Variants in ABR observed in about 807,000 individuals in gnomAD.
The protein encoded by ABR is active breakpoint cluster region-related protein.
Under a neutral mutation model 107.2 loss-of-function variants are expected in ABR, and 35 were observed. The ratio of observed to expected loss-of-function variants is 0.33; its 90% CI spans 0.25 to 0.43. The LOEUF (loss-of-function observed/expected upper bound fraction) is 0.43. Among genes scored for constraint, ABR ranks in the 20% least tolerant of loss-of-function variants. The pLI, the probability that ABR is intolerant of heterozygous loss-of-function variation, is 1.00. For missense variants in ABR, 815 were observed against 1,115.2 expected (o/e 0.73, Z 3.83); for synonymous variants, 498 against 462.0 (o/e 1.08, Z -1.00).
At chr17:1,139,039 C>T (rs1430097315) in intron 1 of ABR, among the ~76,000 whole-genome samples, 2 of 152,130 alleles carry the variant, frequency 1.3e-5, no homozygotes, top group Non-Finnish European at 2.9e-5. Context: ...CAAGGACTGG[C>T]TAAATCCAGA....
chr17:1,073,735 C>T (rs2035446058), intron 6 of ABR, 58 bp from the exon 7 acceptor site: 1 of 1,470,752 alleles, frequency 6.8e-7, no homozygotes, highest in South Asian at 1.3e-5. Context: ...CAACCCAACA[C>T]CCCAGAGACC....
chr17:1,112,468 G>A (rs765283796), intron 2 of ABR, among the ~76,000 whole-genome samples: 7 of 152,180 alleles, frequency 4.6e-5, no homozygotes, highest in Non-Finnish European at 1.5e-5. Context: ...TTGCAGTGGC[G>A]CACCTGAAAT....
intron 2 of ABR, among the ~76,000 whole-genome samples, chr17:1,101,880 C>CCCA (rs1317088107): frequency 6.6e-6 from 1 of 151,954 alleles, no homozygotes; most frequent in African/African-American, 2.4e-5. Context: ...ACTACAGGCT[C>CCCA]CCGCCACCAC....
intron 16 of ABR, among the ~76,000 whole-genome samples, chr17:1,018,348 CTTA>C (rs1008292121): frequency 2.6e-5 from 4 of 152,164 alleles, no homozygotes; most frequent in African/African-American, 9.7e-5. Context: ...GGCCCGGGCC[CTTA>C]TTTTTTAATT....
chr17:1,064,320 C>G (rs868420631), intron 10 of ABR, among the ~76,000 whole-genome samples: 1 of 100,874 alleles, frequency 9.9e-6, no homozygotes, highest in African/African-American at 3.6e-5. Context: ...TTCCTCCAGA[C>G]GCTGTTGTTA....
chr17:1,159,992 G>A (rs1420684462), intron 1 of ABR, among the ~76,000 whole-genome samples: 1 of 152,186 alleles, frequency 6.6e-6, no homozygotes, highest in Non-Finnish European at 1.5e-5. Context: ...CCGCCGCTTG[G>A]GGAGGTGCCT....
intron 1 of ABR, among the ~76,000 whole-genome samples, chr17:1,192,580 C>T (rs1172742712): frequency 6.6e-6 from 1 of 151,744 alleles, no homozygotes; most frequent in African/African-American, 2.4e-5. Flanking sequence ...AGTTCAAGAC[C>T]AGCCTGGCCA....
chr17:1,075,768 AGGGTGG>A (rs1456178280), intron 6 of ABR, among the ~76,000 whole-genome samples: 1 of 152,194 alleles, frequency 6.6e-6, no homozygotes, highest in Non-Finnish European at 1.5e-5. Flanking sequence ...GGGGCCGGGC[AGGGTGG>A]CTCACGCCTG....
chr17:1,203,429 CGCGGGGACGGAGTCT>C (rs1290273356), intron 1 of ABR, among the ~76,000 whole-genome samples: 3 of 6,068 alleles, frequency 4.9e-4, no homozygotes, highest in African/African-American at 1.2e-3. Flanking sequence ...GGGCGGGGCC[CGCGGGGACGGAGTCT>C]GCGGGGGCGG....
chr17:1,227,784 C>T (rs1470078521), intron 1 of ABR, among the ~76,000 whole-genome samples: 1 of 152,090 alleles, frequency 6.6e-6, no homozygotes, highest in Non-Finnish European at 1.5e-5. Flanking sequence ...GGCTCCCACG[C>T]CACCCCCATC....
chr17:1,123,879 C>G (rs1009320644), intron 2 of ABR, among the ~76,000 whole-genome samples: 2 of 152,222 alleles, frequency 1.3e-5, no homozygotes, highest in Admixed American at 1.3e-4. Context: ...AAAACCCTGC[C>G]CCCGCAGGTC....
chr17:1,106,066 T>G (rs2038226291), intron 2 of ABR, among the ~76,000 whole-genome samples: 1 of 152,222 alleles, frequency 6.6e-6, no homozygotes, highest in Admixed American at 6.5e-5. Flanking sequence ...ATGACGCTGC[T>G]ATCAGTATTT....
Position 1,078,795 on chromosome 17 carries a change from C to T in ABR, c.700+535G>A. The T allele has an allele frequency of 6.5e-7, 1 of 1,535,326 alleles. No individual in the cohort carries two copies. Among genetic ancestry groups the T allele is most frequent in the Non-Finnish European group, 8.7e-7 (1 of 1,146,648 alleles). ...AGGTGGGAGGGTCCGCCACCTCCCA[C>T]AGCGAGCACCTGGGTTACCATAGGT... is the stretch of plus-strand genomic sequence containing the variant. On this transcript the variant is annotated intron_variant, in intron 6 of 22. Transcript: ENST00000302538. The surrounding 1 kb of genome is among the most constrained non-coding windows in gnomAD (Gnocchi z 7.5).
chr17:1,135,067 G>A (rs1045991403), intron 1 of ABR, among the ~76,000 whole-genome samples: 1 of 152,228 alleles, frequency 6.6e-6, no homozygotes, highest in Non-Finnish European at 1.5e-5. Flanking sequence ...CCTGCCAGGC[G>A]GGTGGGGGAC....
At chr17:1,141,749 G>A (rs916396322) in intron 1 of ABR, among the ~76,000 whole-genome samples, 1 of 150,858 alleles carries the variant, frequency 6.6e-6, no homozygotes, top group African/African-American at 2.5e-5. Context: ...TGGTGGACTA[G>A]TTACGACTTA....
chr17:1,180,029 G>A (rs1360880475), upstream of ABR, among the ~76,000 whole-genome samples: 1 of 101,060 alleles, frequency 9.9e-6, no homozygotes, highest in African/African-American at 4.2e-5. Context: ...GTGGGGCGGG[G>A]CTTTGGTGCG....
chr17:1,040,121 G>C (rs1241247037), intron 16 of ABR, among the ~76,000 whole-genome samples: 1 of 152,132 alleles, frequency 6.6e-6, no homozygotes, highest in Non-Finnish European at 1.5e-5. Flanking sequence ...TCCTGGGAGG[G>C]GTCCCAGTAC....
intron 4 of ABR, among the ~76,000 whole-genome samples, chr17:1,086,189 T>C (rs1249335526): frequency 6.6e-6 from 1 of 152,176 alleles, no homozygotes; most frequent in Non-Finnish European, 1.5e-5. Flanking sequence ...TGTGAAATGA[T>C]GTACGTGGCT....
chr17:1,130,459 G>T (rs1216356083), intron 1 of ABR, among the ~76,000 whole-genome samples: 1 of 151,452 alleles, frequency 6.6e-6, no homozygotes, highest in Admixed American at 6.6e-5. Flanking sequence ...AGACCGTGTT[G>T]CCCCCCATTC....
Sources: gnomAD v4.1 joint callset for allele counts (sites outside exome capture counted in the v4.1 genomes callset) on GRCh38, gnomAD v4.1.1 for gene constraint, Gnocchi (gnomAD v3.1) non-coding constraint, MANE v1.5 for transcripts, NCBI Gene and HGNC (gene_info 2026-07-23, HGNC 2026-07-21) for gene names.